GPHN: variants seen among roughly 807,000 people sequenced by gnomAD.
The protein encoded by GPHN is gephyrin.
A neutral mutation model predicts 95.5 loss-of-function variants in GPHN; 17 were observed. The observed-to-expected ratio is 0.18, with a 90% CI of 0.12 to 0.27. GPHN has a LOEUF of 0.27. GPHN is among the 10% of genes least tolerant of loss of function. The probability of loss-of-function intolerance (pLI) is 1.00; values close to 1 mark genes in which losing one functional copy is unlikely to be tolerated. For synonymous variants in GPHN, 320 were observed against 322.5 expected, an observed-to-expected ratio of 0.99 and a Z score of 0.08; for missense variants, 660 against 978.1, an observed-to-expected ratio of 0.67 and a Z score of 4.34.
intron 2 of GPHN, among the ~76,000 whole-genome samples, chr14:66,776,130 C>T (rs2059374107): frequency 6.6e-6 from 1 of 152,126 alleles, no homozygotes; most frequent in South Asian, 2.1e-4. Flanking sequence ...TTAAAAAAGT[C>T]AAACATGTTT....
At chr14:67,449,037 C>G in the GPHN span, among the ~76,000 whole-genome samples, 2 of 152,124 alleles carry the variant, frequency 1.3e-5, no homozygotes, top group Non-Finnish European at 2.9e-5. Flanking sequence ...TCAGGAGGAG[C>G]TTCTGTCCAT....
chr14:66,916,902 A>G (rs143800990), intron 6 of GPHN, among the ~76,000 whole-genome samples: 4 of 152,266 alleles, frequency 2.6e-5, no homozygotes, highest in African/African-American at 7.2e-5. Flanking sequence ...TATATTTACT[A>G]TGGTATTTAT....
At chr14:66,545,314 G>A (rs1452207275) in intron 1 of GPHN, among the ~76,000 whole-genome samples, 5 of 140,220 alleles carry the variant, frequency 3.6e-5, no homozygotes, top group South Asian at 4.6e-4. Flanking sequence ...TCCCAGACGG[G>A]GCGGCTGGCC....
chr14:67,444,594 C>T, the GPHN span, among the ~76,000 whole-genome samples: 2 of 152,180 alleles, frequency 1.3e-5, no homozygotes, highest in East Asian at 3.8e-4. Context: ...CTTCCTTACA[C>T]ACCTGAGTTT....
the GPHN span, among the ~76,000 whole-genome samples, chr14:67,642,793 C>CTT: frequency 0.027 from 2,030 of 75,480 alleles, 677 homozygotes; most frequent in Non-Finnish European, 0.036. Context: ...ACTACATTTT[C>CTT]TTTTTTTTTT....
the GPHN span, among the ~76,000 whole-genome samples, chr14:67,595,700 G>C: frequency 1.3e-5 from 2 of 152,214 alleles, no homozygotes; most frequent in Non-Finnish European, 1.5e-5. Context: ...TAGATACCTG[G>C]AACTACTATG....
At chr14:67,497,375 G>A in the GPHN span, among the ~76,000 whole-genome samples, 17 of 152,196 alleles carry the variant, frequency 1.1e-4, 2 homozygotes, top group African/African-American at 3.4e-4. Context: ...AGCGCAGGCC[G>A]AGAACGCAGG....
the GPHN span, among the ~76,000 whole-genome samples, chr14:67,379,968 C>T: frequency 1.3e-5 from 2 of 152,006 alleles, no homozygotes; most frequent in East Asian, 3.9e-4. Flanking sequence ...GTTGCCTAGA[C>T]TGGTCTATGA....
At chr14:67,055,948 A>C (rs1216895500) in intron 10 of GPHN, among the ~76,000 whole-genome samples, 2 of 152,078 alleles carry the variant, frequency 1.3e-5, no homozygotes, top group African/African-American at 4.8e-5. Flanking sequence ...CATTCCTTCC[A>C]GTGGGTTCGT....
intron 9 of GPHN, among the ~76,000 whole-genome samples, chr14:67,019,900 C>A (rs576977914): frequency 6.6e-6 from 1 of 152,272 alleles, no homozygotes; most frequent in East Asian, 1.9e-4. Context: ...AATCACATGA[C>A]CACTGCTACG....
At chr14:67,354,400 A>T in the GPHN span, among the ~76,000 whole-genome samples, 1 of 152,166 alleles carries the variant, frequency 6.6e-6, no homozygotes, top group Non-Finnish European at 1.5e-5. Context: ...CTATCCACTA[A>T]TATATATCAA....
At chr14:67,269,484 C>T in the GPHN span, among the ~76,000 whole-genome samples, 1 of 152,050 alleles carries the variant, frequency 6.6e-6, no homozygotes, top group East Asian at 1.9e-4. Flanking sequence ...ATTTGACATT[C>T]CTAACAGCAC....
chr14:67,057,743 C>T (rs1259351634), intron 10 of GPHN, among the ~76,000 whole-genome samples: 1 of 151,738 alleles, frequency 6.6e-6, no homozygotes, highest in East Asian at 1.9e-4. Flanking sequence ...TACCTTTCTG[C>T]TGGACTGTTA....
chr14:67,677,363 A>ATTTTTTTTTTTTTTTTTTTTTTTTT, the GPHN span: 2 of 31,978 alleles, frequency 6.3e-5, no homozygotes, highest in Non-Finnish European at 1.0e-4. Context: ...TGTTTTTAGG[A>ATTTTTTTTTTTTTTTTTTTTTTTTT]TTTTTTTTTT....
the GPHN span, among the ~76,000 whole-genome samples, chr14:67,671,069 G>A: frequency 6.6e-6 from 1 of 152,224 alleles, no homozygotes; most frequent in Non-Finnish European, 1.5e-5. Flanking sequence ...GAGGCACCAT[G>A]TGTTTGCTTA....
the GPHN span, among the ~76,000 whole-genome samples, chr14:67,359,334 G>C: frequency 6.6e-6 from 1 of 152,232 alleles, no homozygotes; most frequent in Non-Finnish European, 1.5e-5. Context: ...CGACGGTTCA[G>C]TTATATAAAT....
rs75360968 is a variant in GPHN, at chr14:66,752,298, A to G, written c.144-24166A>G. 2.3e-3 allele frequency among the ~76,000 whole-genome samples: 356 copies of G among 152,158 alleles called. 1 individual carries two copies. The East Asian group carries it at 0.031, about 13-fold the overall frequency. On this transcript the variant is annotated intron_variant, in intron 2 of 22. Transcript: ENST00000478722. The stretch of plus-strand genomic sequence containing the variant: ...TTTTTTTCAAAAACTTTCCCTTTGT[A>G]TGCACTACTTGGCTTTTTGCCATAA...
the GPHN span, chr14:67,647,965 T>G: frequency 3.0e-6 from 4 of 1,351,292 alleles, no homozygotes; most frequent in Non-Finnish European, 4.1e-6. Context: ...AATCAAGGAG[T>G]TGCAACCATA....
At chr14:67,049,377 G>A (rs972936705) in intron 10 of GPHN, among the ~76,000 whole-genome samples, 2 of 151,742 alleles carry the variant, frequency 1.3e-5, no homozygotes, top group Non-Finnish European at 2.9e-5. Context: ...ACAGGCGCCC[G>A]CCACCACACC....
Sources: allele counts gnomAD v4.1 joint callset (sites outside exome capture counted in the v4.1 genomes callset), GRCh38; gene constraint gnomAD v4.1.1; transcripts MANE v1.5; gene names NCBI Gene and HGNC (gene_info 2026-07-23, HGNC 2026-07-21).